NCALD: variants seen among roughly 807,000 people sequenced by gnomAD.
The protein encoded by NCALD is neurocalcin delta.
A neutral mutation model predicts 18.6 loss-of-function variants in NCALD; 10 were observed. That is an observed-to-expected ratio of 0.54 (90% CI 0.33 to 0.91). The LOEUF (loss-of-function observed/expected upper bound fraction) is 0.91, where lower values mean the gene tolerates loss of function less well. NCALD is among the 40% of genes least tolerant of loss of function. NCALD has a pLI of 0.03. For missense variants in NCALD, 184 were observed against 247.6 expected (o/e 0.74, Z 1.72); for synonymous variants, 88 against 87.4 (o/e 1.01, Z -0.04).
chr8:101,872,297 T>C (rs1816052336), intron 4 of NCALD: 1 of 1,368,228 alleles, frequency 7.3e-7, no homozygotes, highest in Admixed American at 1.7e-5. Flanking sequence ...TTCAGTTTAA[T>C]TGCTTTCCCC....
At chr8:101,935,950 G>A (rs1337344327) in intron 2 of NCALD, among the ~76,000 whole-genome samples, 1 of 152,144 alleles carries the variant, frequency 6.6e-6, no homozygotes, top group East Asian at 1.9e-4. Flanking sequence ...CACACGATTA[G>A]TGCTGGCTTT....
intron 2 of NCALD, among the ~76,000 whole-genome samples, chr8:102,019,780 T>C (rs1251217953): frequency 2.0e-5 from 3 of 152,112 alleles, no homozygotes. Context: ...AGAAAATCCA[T>C]TAATGTAAAC....
At chr8:102,076,638 A>G (rs1477364315) in intron 1 of NCALD, among the ~76,000 whole-genome samples, 1 of 152,242 alleles carries the variant, frequency 6.6e-6, no homozygotes, top group Non-Finnish European at 1.5e-5. Flanking sequence ...GAACCAACAC[A>G]AAATAATACT....
intron 1 of NCALD, among the ~76,000 whole-genome samples, chr8:102,045,373 T>C (rs1029386082): frequency 6.6e-6 from 1 of 152,190 alleles, no homozygotes; most frequent in Non-Finnish European, 1.5e-5. Context: ...ACAAATAGAC[T>C]AGGAATGTTA....
chr8:102,009,856 A>G (rs991729352), intron 2 of NCALD, among the ~76,000 whole-genome samples: 23 of 152,184 alleles, frequency 1.5e-4, no homozygotes, highest in African/African-American at 5.6e-4. Context: ...TTAAAATGCT[A>G]CCTCAGGAAA....
At chr8:101,691,570 A>G (rs1016895275) in intron 3 of NCALD, 1 of 985,424 alleles carries the variant, frequency 1.0e-6, no homozygotes, top group Non-Finnish European at 1.2e-6. Context: ...TAAAACCTGC[A>G]GTTTAACATC....
intron 4 of NCALD, among the ~76,000 whole-genome samples, chr8:101,881,629 G>A (rs530179737): frequency 9.2e-5 from 14 of 152,064 alleles, no homozygotes; most frequent in African/African-American, 3.4e-4. Flanking sequence ...GAGTCTTTGT[G>A]GCATTAAGAC....
intron 4 of NCALD, among the ~76,000 whole-genome samples, chr8:101,823,714 T>G (rs1813816140): frequency 6.6e-6 from 1 of 152,172 alleles, no homozygotes; most frequent in Non-Finnish European, 1.5e-5. Flanking sequence ...GTGCTGTTCT[T>G]TAACTGGGAT....
At chr8:101,769,025 G>A (rs147823868) in intron 1 of NCALD, among the ~76,000 whole-genome samples, 258 of 152,250 alleles carry the variant, frequency 1.7e-3, no homozygotes, top group Non-Finnish European at 2.9e-3. Context: ...CAGAGGTGAG[G>A]TGATGGTGGA....
intron 2 of NCALD, among the ~76,000 whole-genome samples, chr8:101,715,973 T>A (rs971152212): frequency 6.6e-6 from 1 of 152,226 alleles, no homozygotes; most frequent in Non-Finnish European, 1.5e-5. Flanking sequence ...ACTGGGTATA[T>A]ACCCAAAGGA....
intron 1 of NCALD, among the ~76,000 whole-genome samples, chr8:101,738,269 C>T (rs1342919079): frequency 3.3e-5 from 5 of 152,150 alleles, no homozygotes; most frequent in South Asian, 2.1e-4. Context: ...CCCAGCCGGG[C>T]GCAGTGGCTC....
chr8:101,902,396 T>C (rs906292797), intron 3 of NCALD, among the ~76,000 whole-genome samples: 2 of 152,084 alleles, frequency 1.3e-5, no homozygotes, highest in African/African-American at 4.8e-5. Flanking sequence ...TCTTTCTGCT[T>C]CCTAAGAAAT....
chr8:101,712,035 C>T lies in NCALD; in HGVS notation c.378+7217G>A, dbSNP rs929794746. ...GCAGCCAGAAAGAAAGGCTGGGTTA[C>T]CCATAAAGGAAGCCCATCAGACTAA... On this transcript the variant is annotated intron_variant, in intron 2 of 3. Coordinates refer to ENST00000220931, the MANE Select transcript of NCALD (RefSeq NM_032041.3). Among the ~76,000 whole-genome samples, 9 of 152,190 alleles carry T rather than the reference C, an allele frequency of 5.9e-5. No homozygotes were observed. In the South Asian group the frequency reaches 1.7e-3, roughly 28 times the overall value.
In NCALD at chr8:102,021,647, T is replaced by C. The variant is rs554005253; in HGVS notation, c.-209-1358A>G. Among the ~76,000 whole-genome samples the C allele has an allele frequency of 5.9e-5, 9 of 152,276 alleles. No homozygotes were observed. The East Asian group carries it at 1.7e-3, about 29-fold the overall frequency. Reference sequence around the variant, plus strand: ...CTGGCACCAGGTGCCTCCACCATGGTGGAAGAGACACTTTCTGACCTTCCA... The same window carrying C: ...CTGGCACCAGGTGCCTCCACCATGGCGGAAGAGACACTTTCTGACCTTCCA... On this transcript the variant is annotated intron_variant, in intron 1 of 6. Coordinates refer to the NCALD transcript ENST00000311028.
At chr8:102,104,799 G>A (rs1336054947) in intron 1 of NCALD, among the ~76,000 whole-genome samples, 2 of 152,202 alleles carry the variant, frequency 1.3e-5, no homozygotes, top group African/African-American at 4.8e-5. Flanking sequence ...GGGAGTGGAA[G>A]GAGATTTAAC....
At chr8:101,715,098 C>A (rs1436244565) in intron 2 of NCALD, among the ~76,000 whole-genome samples, 1 of 151,706 alleles carries the variant, frequency 6.6e-6, no homozygotes, top group East Asian at 1.9e-4. Context: ...GGTACTAGTA[C>A]CAAAACACCA....
chr8:102,091,737 C>A (rs1292262941), intron 1 of NCALD, among the ~76,000 whole-genome samples: 1 of 152,144 alleles, frequency 6.6e-6, no homozygotes, highest in Non-Finnish European at 1.5e-5. Flanking sequence ...TTCCAGATAT[C>A]ACCTTTTGTT....
rs571166562 is a variant in NCALD at position 101,943,716 on chromosome 8, G to A, written c.-156-27858C>T. On this transcript the variant is annotated intron_variant, in intron 2 of 6. Transcript: ENST00000311028. Reference sequence around the variant, plus strand: ...AGCACTTTGGGAGGCCGAGGCGGGCGGATCGCAAGGTCAGGAGATCGAGAC... The same window carrying A: ...AGCACTTTGGGAGGCCGAGGCGGGCAGATCGCAAGGTCAGGAGATCGAGAC... Among the ~76,000 whole-genome samples, 12 of 152,056 alleles carry A rather than the reference G, an allele frequency of 7.9e-5. No individual in the cohort carries two copies. The East Asian group carries it at 9.7e-4, about 12-fold the overall frequency.
chr8:101,693,117 G>A, intron 2 of NCALD: 1 of 440,170 alleles, frequency 2.3e-6, no homozygotes. Flanking sequence ...GGGACAACCA[G>A]CAGGAAGACC....
Sources: gnomAD v4.1 joint callset for allele counts (sites outside exome capture counted in the v4.1 genomes callset) on GRCh38, gnomAD v4.1.1 for gene constraint, MANE v1.5 for transcripts, NCBI Gene and HGNC (gene_info 2026-07-23, HGNC 2026-07-21) for gene names.